MYO6: variants seen among roughly 807,000 people sequenced by gnomAD.
MYO6 encodes the protein myosin VI.
Under a neutral mutation model 178.7 loss-of-function variants are expected in MYO6, and 74 were observed. That is an observed-to-expected ratio of 0.41 (90% CI 0.34 to 0.50). The LOEUF is 0.50. Among genes scored for constraint, MYO6 ranks in the 20% least tolerant of loss-of-function variants. The pLI is 0.09. For missense variants in MYO6, 1,330 were observed against 1,547.4 expected (o/e 0.86, Z 2.36); for synonymous variants, 477 against 504.6 (o/e 0.95, Z 0.73).
intron 20 of MYO6, among the ~76,000 whole-genome samples, chr6:75,878,802 A>C (rs1777771247): frequency 6.6e-6 from 1 of 152,196 alleles, no homozygotes; most frequent in Admixed American, 6.5e-5. Flanking sequence ...GAATAGTCCC[A>C]GAGACTGAAA....
At chr6:75,894,108 C>T (rs1779112865) in intron 28 of MYO6, among the ~76,000 whole-genome samples, 1 of 152,152 alleles carries the variant, frequency 6.6e-6, no homozygotes, top group South Asian at 2.1e-4. Flanking sequence ...TTAATGGAGT[C>T]ATTGTTGGTA....
chr6:75,829,782 A>G (rs1450177152), intron 4 of MYO6, among the ~76,000 whole-genome samples: 3 of 152,326 alleles, frequency 2.0e-5, no homozygotes, highest in Middle Eastern at 3.4e-3. Flanking sequence ...AATTAAAAGC[A>G]AGCTTAAGTT....
rs570471929 is a variant in MYO6, at chr6:75,866,683, T to C, written c.1770+62T>C. On this transcript the variant is annotated intron_variant, in intron 17 of 34. Transcript: ENST00000369977. ...GTTGAAGCTGCACTGTACAGTATGA[T>C]AGCTTCTAGTCACGTGGTTATTAAT... 2.1e-5 allele frequency: 28 copies of C among 1,350,676 alleles called. No individual in the cohort carries two copies. The South Asian group carries it at 2.9e-4, about 14-fold the overall frequency. 83.7% of individuals were successfully genotyped at this position (1,350,676 alleles called of 1,614,324 possible).
intron 1 of MYO6, among the ~76,000 whole-genome samples, chr6:75,806,642 C>T (rs1057291787): frequency 6.6e-5 from 10 of 152,198 alleles, no homozygotes; most frequent in Middle Eastern, 3.2e-3. Context: ...ACACCTGGCC[C>T]GCCCAGGGCG....
chr6:75,891,873 C>T lies in MYO6; in HGVS notation c.2946+567C>T, dbSNP rs890381182. 5.4e-4 allele frequency among the ~76,000 whole-genome samples: 82 copies of T among 152,094 alleles called. 3 individuals are homozygous for T. ...GTGAGGAACTATGGGTCACAGTTGT[C>T]TCTCTGTAGAATGTGGATAAATAAT... On this transcript the variant is annotated intron_variant, in intron 27 of 34. Coordinates refer to ENST00000369977, the MANE Select transcript of MYO6 (RefSeq NM_004999.4).
intron 10 of MYO6, among the ~76,000 whole-genome samples, chr6:75,845,209 T>G (rs1239176353): frequency 6.6e-6 from 1 of 152,198 alleles, no homozygotes; most frequent in Non-Finnish European, 1.5e-5. Flanking sequence ...ACTGCATTGC[T>G]CTCCTCTCAT....
intron 9 of MYO6, among the ~76,000 whole-genome samples, chr6:75,843,154 G>A (rs1774404461): frequency 6.6e-6 from 1 of 152,112 alleles, no homozygotes; most frequent in African/African-American, 2.4e-5. Flanking sequence ...ATTTCATCAG[G>A]TTTTTCTGTA....
intron 25 of MYO6, among the ~76,000 whole-genome samples, chr6:75,887,330 C>T (rs762352995): frequency 8.5e-5 from 13 of 152,280 alleles, no homozygotes; most frequent in South Asian, 6.2e-4. Context: ...ACATCCTGCA[C>T]GTGCATCCCT....
chr6:75,842,835 C>G (rs3798442), intron 9 of MYO6, among the ~76,000 whole-genome samples: 19,764 of 151,958 alleles, frequency 0.13, 1,357 homozygotes, highest in Non-Finnish European at 0.15. Context: ...TGCTTGGAGG[C>G]TTGGGAGTAT....
At chr6:75,866,439 GTGTTTTACATCTCAGT>G in intron 16 of MYO6, 71 bp from the exon 17 acceptor site, 1 of 1,042,998 alleles carries the variant, frequency 9.6e-7, no homozygotes, top group Non-Finnish European at 1.5e-6. Context: ...ATAATTTTAA[GTGTTTTACATCTCAGT>G]TGTTTTGTAA....
chr6:75,804,889 C>CACAT (rs1401009991), intron 1 of MYO6, among the ~76,000 whole-genome samples: 3 of 147,986 alleles, frequency 2.0e-5, no homozygotes, highest in East Asian at 4.1e-4. Flanking sequence ...TACACACACA[C>CACAT]ACATATATAT....
chr6:75,799,458 C>T (rs867995280), intron 1 of MYO6, among the ~76,000 whole-genome samples: 4 of 151,280 alleles, frequency 2.6e-5, no homozygotes, highest in Middle Eastern at 3.4e-3. Flanking sequence ...TAAGGAAGAA[C>T]AAACATGTTT....
At chr6:75,836,767 GAGA>G (rs1773688201) in intron 7 of MYO6, among the ~76,000 whole-genome samples, 2 of 151,968 alleles carry the variant, frequency 1.3e-5, no homozygotes, top group South Asian at 4.1e-4. Flanking sequence ...ATTTTTAGTA[GAGA>G]TGGGGTTTCA....
intron 1 of MYO6, among the ~76,000 whole-genome samples, chr6:75,795,566 G>C (rs905245470): frequency 1.3e-5 from 2 of 152,100 alleles, no homozygotes; most frequent in African/African-American, 4.8e-5. Flanking sequence ...TCAAGTCTTT[G>C]TCTGAAAATT....
intron 1 of MYO6, among the ~76,000 whole-genome samples, chr6:75,785,391 AT>A (rs1767432549): frequency 6.6e-6 from 1 of 151,666 alleles, no homozygotes; most frequent in South Asian, 2.1e-4. Context: ...AATTTGTCAA[AT>A]TTATACATCT....
intron 9 of MYO6, among the ~76,000 whole-genome samples, chr6:75,841,580 G>C (rs1774231526): frequency 6.6e-6 from 1 of 151,990 alleles, no homozygotes; most frequent in Admixed American, 6.6e-5. Context: ...TGTAGTTCCA[G>C]CTACTCGGGA....
intron 1 of MYO6, among the ~76,000 whole-genome samples, chr6:75,777,203 ATCTT>A (rs1484829258): frequency 1.3e-5 from 2 of 152,148 alleles, no homozygotes; most frequent in Non-Finnish European, 2.9e-5. Context: ...ATGTATTAAT[ATCTT>A]TCTTAAGGGT....
intron 6 of MYO6, among the ~76,000 whole-genome samples, 200 bp from the exon 7 acceptor site, chr6:75,835,701 G>A (rs1039430233): frequency 2.6e-5 from 4 of 151,864 alleles, no homozygotes; most frequent in Admixed American, 1.3e-4. Context: ...CAAAATGCTG[G>A]GATTACAGGC....
At position 75,828,537 on chromosome 6, in the gene MYO6, T is replaced by A; in HGVS notation, c.188-3T>A. 1 of 1,515,388 alleles carries A rather than the reference T, an allele frequency of 6.6e-7. No individual in the cohort carries two copies. Among genetic ancestry groups the A allele is most frequent in the Non-Finnish European group, 9.2e-7 (1 of 1,090,930 alleles). 93.9% of individuals were successfully genotyped at this position (1,515,388 alleles called of 1,614,324 possible). Reference sequence around the variant, plus strand: ...CTAATGACATATAAATTTTATGTCTTAGGTTCACTAATGTATTTAAATGAA... The same window carrying A: ...CTAATGACATATAAATTTTATGTCTAAGGTTCACTAATGTATTTAAATGAA... On this transcript the variant is annotated splice_region_variant and splice_polypyrimidine_tract_variant and intron_variant, in intron 3 of 34. Coordinates refer to ENST00000369977, the MANE Select transcript of MYO6 (RefSeq NM_004999.4).
Sources: allele counts gnomAD v4.1 joint callset (sites outside exome capture counted in the v4.1 genomes callset), GRCh38; gene constraint gnomAD v4.1.1; transcripts MANE v1.5; gene names NCBI Gene and HGNC (gene_info 2026-07-23, HGNC 2026-07-21).